EDA: variants seen among roughly 807,000 people sequenced by gnomAD.
The protein encoded by EDA is ectodysplasin A.
EDA carries 2 observed loss-of-function variants against 23.6 expected under a neutral mutation model. That is an observed-to-expected ratio of 0.08 (90% CI 0.03 to 0.27). The LOEUF (loss-of-function observed/expected upper bound fraction) is 0.27. EDA is among the 10% of genes least tolerant of loss of function. EDA has a pLI of 1.00. For synonymous variants in EDA, 131 were observed against 132.0 expected (o/e 0.99, Z 0.05); for missense variants, 229 against 324.2 (o/e 0.71, Z 2.26).
At chrX:69,959,959 G>A (rs2019075246) in intron 2 of EDA, among the ~76,000 whole-genome samples, 1 of 111,659 alleles carries the variant, frequency 9.0e-6, no homozygotes, top group Admixed American at 9.6e-5. Context: ...AGTAAGAAGA[G>A]GAAGAGGGAA....
Position 69,977,580 on chromosome X carries a change from C to T in EDA, c.502+20448C>T, listed in dbSNP as rs781153819. The stretch of plus-strand genomic sequence containing the variant: ...ATTTAAAACCATTAAGTTCACATAA[C>T]AGTAAACTTCTTCAAAGATCACACA... On this transcript the variant is annotated intron_variant, in intron 2 of 7. Coordinates refer to ENST00000374552, the MANE Select transcript of EDA (RefSeq NM_001399.5). Among the ~76,000 whole-genome samples the T allele has an allele frequency of 2.7e-5, 3 of 112,464 alleles. No individual in the cohort carries two copies. In the South Asian group the frequency reaches 1.1e-3, roughly 41 times the overall value.
chrX:69,640,485 C>T (rs751807401), intron 1 of EDA, among the ~76,000 whole-genome samples: 2 of 111,097 alleles, frequency 1.8e-5, no homozygotes, highest in African/African-American at 3.3e-5. Context: ...GGTCTCTCTT[C>T]GAAATCAGAG....
chrX:69,832,113 A>G lies in EDA; in HGVS notation c.397-124914A>G, dbSNP rs768805671. Reference sequence around the variant, plus strand: ...TGTTTCAGTCATGGAGTCCTTGCCAATGCCTGTGTCCTGAATGATATTGCC... The same window carrying G: ...TGTTTCAGTCATGGAGTCCTTGCCAGTGCCTGTGTCCTGAATGATATTGCC... On this transcript the variant is annotated intron_variant, in intron 1 of 7. Transcript: ENST00000374552. 4.5e-5 allele frequency among the ~76,000 whole-genome samples: 5 copies of G among 111,691 alleles called. No homozygotes were observed. The South Asian group carries it at 1.9e-3, about 42-fold the overall frequency.
At chrX:69,623,936 T>C (rs904378679) in intron 1 of EDA, among the ~76,000 whole-genome samples, 1 of 111,095 alleles carries the variant, frequency 9.0e-6, no homozygotes, top group Non-Finnish European at 1.9e-5. Context: ...CCATGAAAGG[T>C]AGATTAATTC....
chrX:69,784,320 C>G (rs1242866258), intron 1 of EDA, among the ~76,000 whole-genome samples: 1 of 102,796 alleles, frequency 9.7e-6, no homozygotes, highest in Non-Finnish European at 2.0e-5. Context: ...TCAATTTTGT[C>G]TTTTGTTGCC....
rs193024199 is a variant in EDA, at chrX:69,894,274, A to G, written c.397-62753A>G. Among the ~76,000 whole-genome samples the G allele has an allele frequency of 3.4e-4, 38 of 110,862 alleles. 1 individual carries two copies. Among genetic ancestry groups the G allele is most frequent in the Admixed American group, 3.3e-3 (34 of 10,369 alleles). On this transcript the variant is annotated intron_variant, in intron 1 of 7. Transcript: ENST00000374552. ...CGTTGGACTGTGCATCTATTTTTTT[A>G]CCAGTACCAGTACCAATATTTTTGG... is the stretch of plus-strand genomic sequence containing the variant.
At chrX:70,009,997 CTT>C (rs762950522) in intron 2 of EDA, among the ~76,000 whole-genome samples, 14 of 112,115 alleles carry the variant, frequency 1.2e-4, no homozygotes, top group African/African-American at 4.5e-4. Context: ...TATGATATCT[CTT>C]TTTAATTTTT....
chrX:69,978,049 T>C (rs948453904), intron 2 of EDA, among the ~76,000 whole-genome samples: 7 of 110,904 alleles, frequency 6.3e-5, no homozygotes, highest in African/African-American at 2.0e-4. Flanking sequence ...TCCCTTGTAC[T>C]TTGAGGATGT....
In EDA at chrX:69,934,114, C is replaced by T. The variant is rs186268768; in HGVS notation, c.397-22913C>T. ...TGGTTTAGTACCCCAGATATAAGGC[C>T]TGCACCTCAATAAGCCCCAACTATG... On this transcript the variant is annotated intron_variant, in intron 1 of 7. Coordinates refer to ENST00000374552, the MANE Select transcript of EDA (RefSeq NM_001399.5). 3.6e-5 allele frequency among the ~76,000 whole-genome samples: 4 copies of T among 111,905 alleles called. No individual in the cohort carries two copies. In the East Asian group the frequency reaches 1.1e-3, roughly 31 times the overall value.
intron 1 of EDA, among the ~76,000 whole-genome samples, chrX:69,821,883 C>G (rs1307831334): frequency 8.9e-6 from 1 of 112,002 alleles, no homozygotes; most frequent in Non-Finnish European, 1.9e-5. Context: ...TTACTAAATA[C>G]ATTCATAATG....
chrX:69,902,477 A>T (rs1194103071), intron 1 of EDA, among the ~76,000 whole-genome samples: 1 of 111,204 alleles, frequency 9.0e-6, no homozygotes, highest in East Asian at 2.8e-4. Context: ...TTCCTGCTGG[A>T]GACAAACCCA....
At chrX:69,829,218 G>T (rs2016545402) in intron 1 of EDA, among the ~76,000 whole-genome samples, 1 of 111,920 alleles carries the variant, frequency 8.9e-6, no homozygotes, top group South Asian at 3.7e-4. Context: ...TGCTGTCCAC[G>T]CATAAAGATG....
At chrX:69,887,357 A>G (rs1047266510) in intron 1 of EDA, among the ~76,000 whole-genome samples, 5 of 111,823 alleles carry the variant, frequency 4.5e-5, no homozygotes, top group Admixed American at 9.5e-5. Flanking sequence ...ATTCATGATC[A>G]AAGTGAGAAG....
intron 1 of EDA, among the ~76,000 whole-genome samples, chrX:69,627,213 G>A (rs1301587676): frequency 2.7e-5 from 3 of 111,345 alleles, no homozygotes. Context: ...GCACTAGAGT[G>A]GGCAGTAATC....
intron 2 of EDA, among the ~76,000 whole-genome samples, chrX:70,005,036 C>A (rs2019784851): frequency 9.0e-6 from 1 of 111,652 alleles, no homozygotes; most frequent in African/African-American, 3.3e-5. Context: ...GTTAAGGCTG[C>A]AATGGGCCAT....
At chrX:69,915,950 T>C (rs1188022961) in intron 1 of EDA, among the ~76,000 whole-genome samples, 1 of 111,917 alleles carries the variant, frequency 8.9e-6, no homozygotes, top group Non-Finnish European at 1.9e-5. Flanking sequence ...GCTCCTCTCT[T>C]GGCCTCAGTT....
chrX:69,623,397 C>T (rs1049636519), intron 1 of EDA, among the ~76,000 whole-genome samples: 2 of 111,528 alleles, frequency 1.8e-5, no homozygotes, highest in African/African-American at 6.5e-5. Flanking sequence ...GGGATAAATG[C>T]ACTTCCTTGG....
At chrX:69,632,534 C>T (rs1932641013) in intron 1 of EDA, among the ~76,000 whole-genome samples, 1 of 112,379 alleles carries the variant, frequency 8.9e-6, no homozygotes, top group Admixed American at 9.4e-5. Flanking sequence ...AGCAATCTTT[C>T]TTTCTGTGGA....
At chrX:69,656,191 A>T (rs1339184732) in intron 1 of EDA, among the ~76,000 whole-genome samples, 2 of 110,967 alleles carry the variant, frequency 1.8e-5, no homozygotes, top group Admixed American at 1.9e-4. Flanking sequence ...TTCCTGACTA[A>T]AACCTATATT....
Sources: allele counts gnomAD v4.1 joint callset (sites outside exome capture counted in the v4.1 genomes callset), GRCh38; gene constraint gnomAD v4.1.1; transcripts MANE v1.5; gene names NCBI Gene and HGNC (gene_info 2026-07-23, HGNC 2026-07-21).